Variants in FBXL7 observed in about 807,000 individuals in gnomAD.
The protein encoded by FBXL7 is F-box and leucine rich repeat protein 7, also known as F-box/LRR-repeat protein 7.
In FBXL7, 12 loss-of-function variants were observed where a neutral mutation model predicts 38.3. The ratio of observed to expected loss-of-function variants is 0.31; its 90% CI spans 0.20 to 0.51. FBXL7 has a LOEUF of 0.51. FBXL7 is among the 20% of genes least tolerant of loss of function. The pLI is 0.98. For missense variants in FBXL7, 567 were observed against 676.4 expected (o/e 0.84, Z 1.79); for synonymous variants, 297 against 300.9 (o/e 0.99, Z 0.13).
chr5:15,848,565 A>G (rs1738992101), intron 2 of FBXL7, among the ~76,000 whole-genome samples: 1 of 152,140 alleles, frequency 6.6e-6, no homozygotes, highest in Admixed American at 6.6e-5. Context: ...TATTTTTAGT[A>G]GAGATGGGGT....
chr5:15,609,171 T>C (rs920785753), intron 1 of FBXL7, among the ~76,000 whole-genome samples: 4 of 152,138 alleles, frequency 2.6e-5, no homozygotes, highest in African/African-American at 7.2e-5. Flanking sequence ...ACACACTCCT[T>C]AGTGTGCTAC....
At chr5:15,851,281 G>T (rs1739086433) in intron 2 of FBXL7, among the ~76,000 whole-genome samples, 1 of 152,068 alleles carries the variant, frequency 6.6e-6, no homozygotes, top group Non-Finnish European at 1.5e-5. Flanking sequence ...TGCATAAATG[G>T]CCTCTTTTCC....
chr5:15,806,442 A>G (rs946336183), intron 2 of FBXL7, among the ~76,000 whole-genome samples: 20 of 152,228 alleles, frequency 1.3e-4, no homozygotes, highest in African/African-American at 4.8e-4. Context: ...AATAGTATCA[A>G]TAACCTCAAA....
At chr5:15,648,589 C>T (rs1016055990) in intron 2 of FBXL7, among the ~76,000 whole-genome samples, 3 of 152,210 alleles carry the variant, frequency 2.0e-5, no homozygotes, top group Admixed American at 6.5e-5. Context: ...CGGATCAGAC[C>T]CCATGATGGC....
intron 2 of FBXL7, among the ~76,000 whole-genome samples, chr5:15,652,279 G>A (rs1741735784): frequency 6.6e-6 from 1 of 152,138 alleles, no homozygotes; most frequent in South Asian, 2.1e-4. Flanking sequence ...AGAACTTTGT[G>A]TTTTGGAGAC....
intron 2 of FBXL7, among the ~76,000 whole-genome samples, chr5:15,840,621 G>C (rs1024028151): frequency 6.6e-6 from 1 of 152,112 alleles, no homozygotes; most frequent in South Asian, 2.1e-4. Flanking sequence ...GGCCGAGCCA[G>C]GTGGATCACG....
chr5:15,600,288 C>A (rs1580395651), intron 1 of FBXL7, among the ~76,000 whole-genome samples: 1 of 152,106 alleles, frequency 6.6e-6, no homozygotes, highest in African/African-American at 2.4e-5. Context: ...GGAGGGGCAC[C>A]GTCAGGCAGT....
chr5:15,550,242 G>A (rs1738022975), intron 1 of FBXL7, among the ~76,000 whole-genome samples: 2 of 152,208 alleles, frequency 1.3e-5, no homozygotes, highest in African/African-American at 4.8e-5. Flanking sequence ...CCTTGAAGGA[G>A]GCTTGGAAAA....
chr5:15,900,725 A>G (rs1182832300), intron 2 of FBXL7, among the ~76,000 whole-genome samples: 3 of 152,246 alleles, frequency 2.0e-5, no homozygotes, highest in Non-Finnish European at 4.4e-5. Flanking sequence ...GAATTGAAGT[A>G]GTATGGACTG....
rs1741917822 is a variant in FBXL7, at chr5:15,927,778, AAAAAAAAAAG to A, written c.128-109_128-100del. ...CGACAAGATCTTAAAAAAAAAAAAA[AAAAAAAAAAG>A]AAGAAGAAAGAAAAGAAAAGAAAGA... On this transcript the variant is annotated intron_variant, in intron 2 of 3. Coordinates refer to ENST00000504595, the MANE Select transcript of FBXL7 (RefSeq NM_012304.5). The A allele has an allele frequency of 8.7e-6, 7 of 808,120 alleles. No individual in the cohort carries two copies. The Admixed American group carries it at 2.5e-4, about 29-fold the overall frequency. The allele number at this position is 808,120 out of a possible 1,614,324, so 50.1% of individuals were successfully genotyped here.
chr5:15,770,154 AG>A (rs1294728275), intron 2 of FBXL7, among the ~76,000 whole-genome samples: 2 of 152,170 alleles, frequency 1.3e-5, no homozygotes, highest in Non-Finnish European at 2.9e-5. Flanking sequence ...TTAAGTCACC[AG>A]GTGCCAGGCT....
At chr5:15,684,692 C>A (rs376407380) in intron 2 of FBXL7, among the ~76,000 whole-genome samples, 1 of 152,256 alleles carries the variant, frequency 6.6e-6, no homozygotes, top group East Asian at 1.9e-4. Flanking sequence ...ATGTACAATG[C>A]AAAGAGTTGT....
intron 2 of FBXL7, among the ~76,000 whole-genome samples, chr5:15,682,714 C>T (rs1005924859): frequency 5.3e-5 from 8 of 152,074 alleles, no homozygotes; most frequent in African/African-American, 1.9e-4. Context: ...AATAGAATTC[C>T]CAAAGGGCTC....
chr5:15,613,943 T>C (rs1580407262), intron 1 of FBXL7, among the ~76,000 whole-genome samples: 1 of 152,140 alleles, frequency 6.6e-6, no homozygotes, highest in African/African-American at 2.4e-5. Context: ...AGTCTTCTAC[T>C]GTGTCCTCAC....
At chr5:15,772,021 T>G (rs1736743213) in intron 2 of FBXL7, among the ~76,000 whole-genome samples, 1 of 152,146 alleles carries the variant, frequency 6.6e-6, no homozygotes, top group African/African-American at 2.4e-5. Context: ...TCCACCCGCC[T>G]GGGCCTCCCA....
At chr5:15,742,377 A>T (rs2126676285) in intron 2 of FBXL7, among the ~76,000 whole-genome samples, 1 of 152,350 alleles carries the variant, frequency 6.6e-6, no homozygotes, top group East Asian at 1.9e-4. Flanking sequence ...CTGATGAAAT[A>T]GTTTCACTGC....
At position 15,862,717 on chromosome 5, in the gene FBXL7, A is replaced by C. The variant is rs182248006; in HGVS notation, c.128-65173A>C. On this transcript the variant is annotated intron_variant, in intron 2 of 3. Coordinates refer to ENST00000504595, the MANE Select transcript of FBXL7 (RefSeq NM_012304.5). ...GTCCCCTGCCATGCAGAACAGGAACATGCCACTGAAGCAGCTGGATGATGT... is the reference window on the plus strand; with the variant it reads ...GTCCCCTGCCATGCAGAACAGGAACCTGCCACTGAAGCAGCTGGATGATGT... Among the ~76,000 whole-genome samples, 207 of 152,320 alleles carry C rather than the reference A, an allele frequency of 1.4e-3. 1 individual carries two copies. The highest frequency in any genetic ancestry group is 4.8e-3 in the African/African-American group (201 of 41,572).
rs1469719001 is a variant in FBXL7, at chr5:15,928,404, G to C, written c.642G>C (p.Leu214=). Reference sequence around the variant, plus strand: ...CCATCGCCCAGTGCTGCCCCGAACTGAGGCGACTGGAAGTCTCAGGCTGTT... The same window carrying C: ...CCATCGCCCAGTGCTGCCCCGAACTCAGGCGACTGGAAGTCTCAGGCTGTT... ...LYTIAQCCPE[L]RRLEVSGCYN... The change falls in exon 3 of 4, where the codon CTG becomes CTC. Residue 214 remains leucine (L), a synonymous_variant. Transcript: ENST00000504595. The surrounding 1 kb of genome is among the most constrained non-coding windows in gnomAD (Gnocchi z 4.0). 1.9e-5 allele frequency: 30 copies of C among 1,613,958 alleles called. No homozygotes were observed. Among genetic ancestry groups the C allele is most frequent in the Non-Finnish European group, 2.5e-5 (30 of 1,179,914 alleles).
chr5:15,505,861 G>T (rs1274269683), intron 1 of FBXL7, among the ~76,000 whole-genome samples: 2 of 152,126 alleles, frequency 1.3e-5, no homozygotes, highest in Non-Finnish European at 2.9e-5. Flanking sequence ...GATGAATTCT[G>T]AAAACCCCAG....
Sources: allele counts gnomAD v4.1 joint callset (sites outside exome capture counted in the v4.1 genomes callset), GRCh38; gene constraint gnomAD v4.1.1; non-coding constraint Gnocchi (gnomAD v3.1); transcripts MANE v1.5; gene names NCBI Gene and HGNC (gene_info 2026-07-23, HGNC 2026-07-21).